AGBL1: variants seen among roughly 807,000 people sequenced by gnomAD.
AGBL1 encodes the protein AGBL carboxypeptidase 1, also known as cytosolic carboxypeptidase 4.
Under a neutral mutation model 118.9 loss-of-function variants are expected in AGBL1, and 130 were observed. The observed-to-expected ratio is 1.09, with a 90% CI of 0.95 to 1.26. The LOEUF is 1.26. Among genes scored for constraint, AGBL1 ranks in the 50% most tolerant of loss-of-function variants. The pLI, the probability that AGBL1 is intolerant of heterozygous loss-of-function variation, is 0.00. For synonymous variants in AGBL1, 555 were observed against 478.9 expected (o/e 1.16, Z -2.08); for missense variants, 1,584 against 1,298.1 (o/e 1.22, Z -3.38).
intron 21 of AGBL1, among the ~76,000 whole-genome samples, chr15:86,559,146 TA>T (rs1464617699): frequency 6.6e-6 from 1 of 152,200 alleles, no homozygotes; most frequent in Non-Finnish European, 1.5e-5. Flanking sequence ...CTCTTCTTCT[TA>T]TAAGGACACC....
chr15:86,726,361 G>C (rs529582679), intron 22 of AGBL1, among the ~76,000 whole-genome samples: 104 of 152,242 alleles, frequency 6.8e-4, no homozygotes, highest in Non-Finnish European at 1.2e-3. Flanking sequence ...GAGGAGAGTG[G>C]ACCTCAGAGT....
chr15:86,350,658 C>T (rs923467199), intron 17 of AGBL1, among the ~76,000 whole-genome samples: 1 of 152,112 alleles, frequency 6.6e-6, no homozygotes, highest in Non-Finnish European at 1.5e-5. Flanking sequence ...GGGCCATGGT[C>T]TCAGGAGTCC....
intron 17 of AGBL1, among the ~76,000 whole-genome samples, chr15:86,319,455 T>C (rs1222095619): frequency 1.3e-5 from 2 of 152,170 alleles, no homozygotes; most frequent in Non-Finnish European, 2.9e-5. Flanking sequence ...ATTTCCTCTT[T>C]TGTGATGTTT....
chr15:86,793,959 G>T (rs2078534788), intron 22 of AGBL1, among the ~76,000 whole-genome samples: 1 of 152,152 alleles, frequency 6.6e-6, no homozygotes, highest in Admixed American at 6.5e-5. Flanking sequence ...AACCAGCGTT[G>T]GTGAGGCTAC....
intron 21 of AGBL1, among the ~76,000 whole-genome samples, chr15:86,627,228 G>A (rs1202545235): frequency 6.6e-6 from 1 of 152,118 alleles, no homozygotes. Context: ...TCGAACTCCC[G>A]ACCTCAGGTG....
chr15:86,983,184 C>T (rs1031639699), intron 23 of AGBL1, among the ~76,000 whole-genome samples: 4 of 151,884 alleles, frequency 2.6e-5, no homozygotes, highest in Admixed American at 2.6e-4. Flanking sequence ...TTCACATTTC[C>T]TCTTGTTCAA....
At chr15:86,156,122 T>C (rs977734989) in intron 4 of AGBL1, among the ~76,000 whole-genome samples, 1 of 152,130 alleles carries the variant, frequency 6.6e-6, no homozygotes, top group Non-Finnish European at 1.5e-5. Context: ...GGTTTCACCA[T>C]GTTGGTCAGA....
chr15:86,416,390 C>T (rs1567246089), intron 18 of AGBL1, among the ~76,000 whole-genome samples: 1 of 152,174 alleles, frequency 6.6e-6, no homozygotes, highest in African/African-American at 2.4e-5. Context: ...AATGTCAGGG[C>T]AAAAAATTTG....
intron 22 of AGBL1, among the ~76,000 whole-genome samples, chr15:86,699,578 A>G (rs200150109): frequency 1.3e-5 from 2 of 151,778 alleles, no homozygotes; most frequent in Non-Finnish European, 2.9e-5. Flanking sequence ...AAAAGATTTT[A>G]GTCAGTTATT....
chr15:86,153,624 G>A (rs185110364), intron 3 of AGBL1, among the ~76,000 whole-genome samples: 28 of 152,260 alleles, frequency 1.8e-4, no homozygotes, highest in Non-Finnish European at 2.5e-4. Flanking sequence ...AAACCTGCAC[G>A]TTGTGCACAT....
chr15:86,973,961 CAT>C (rs2081139244), intron 23 of AGBL1, among the ~76,000 whole-genome samples: 1 of 137,930 alleles, frequency 7.3e-6, no homozygotes, highest in East Asian at 2.1e-4. Flanking sequence ...TAAATATAAA[CAT>C]ATTTAATATA....
intron 5 of AGBL1, among the ~76,000 whole-genome samples, chr15:86,224,457 C>T (rs1402947458): frequency 1.3e-5 from 2 of 152,108 alleles, no homozygotes; most frequent in African/African-American, 4.8e-5. Flanking sequence ...ACTGCATCCC[C>T]AGGGGTATGA....
In AGBL1 at chr15:86,748,843, G is replaced by T. The variant is rs185121018; in HGVS notation, c.3158+74407G>T. The stretch of plus-strand genomic sequence containing the variant: ...GTAGATGTGTGGTATTATTCCTGAG[G>T]GCTCTGTTCTGTTCCATTGGTCTAT... On this transcript the variant is annotated intron_variant, in intron 22 of 22. Transcript: ENST00000614907. Among the ~76,000 whole-genome samples, 39 of 151,948 alleles carry T rather than the reference G, an allele frequency of 2.6e-4. No individual in the cohort carries two copies. In the East Asian group the frequency reaches 5.5e-3, roughly 21 times the overall value.
intron 22 of AGBL1, among the ~76,000 whole-genome samples, chr15:86,860,102 G>A (rs976868798): frequency 2.6e-5 from 4 of 152,068 alleles, no homozygotes; most frequent in Non-Finnish European, 5.9e-5. Flanking sequence ...AAAGCCCTAC[G>A]AACCTAACTT....
At chr15:86,575,730 C>G (rs1596281959) in intron 21 of AGBL1, among the ~76,000 whole-genome samples, 1 of 151,878 alleles carries the variant, frequency 6.6e-6, no homozygotes. Flanking sequence ...ACTGGGCCTA[C>G]AGGTACACAC....
At chr15:86,228,424 T>C (rs186185203) in intron 6 of AGBL1, among the ~76,000 whole-genome samples, 4 of 152,330 alleles carry the variant, frequency 2.6e-5, no homozygotes, top group Admixed American at 1.3e-4. Flanking sequence ...AATCGTTCTC[T>C]GTAATTGCAT....
At chr15:86,609,281 A>G (rs566116804) in intron 21 of AGBL1, among the ~76,000 whole-genome samples, 81 of 152,264 alleles carry the variant, frequency 5.3e-4, no homozygotes, top group Non-Finnish European at 9.4e-4. Flanking sequence ...ACACAAGAAA[A>G]TCAGAAAGGA....
intron 23 of AGBL1, among the ~76,000 whole-genome samples, chr15:86,981,040 C>G (rs943690404): frequency 2.0e-5 from 3 of 151,988 alleles, no homozygotes; most frequent in Non-Finnish European, 4.4e-5. Flanking sequence ...GCGCACGCTG[C>G]CACCCCTGGC....
rs182468035 is a variant in AGBL1 at position 86,762,662 on chromosome 15, A to G, written c.3158+88226A>G. 1.8e-3 allele frequency among the ~76,000 whole-genome samples: 275 copies of G among 152,102 alleles called. 1 individual carries two copies. The highest frequency in any genetic ancestry group is 6.3e-3 in the African/African-American group (262 of 41,522). ...GGCATAGGAAATGGGGGTCAGAAGGACTGTATCCTAGCCCTGGTGCTAGTG... is the reference window on the plus strand; with the variant it reads ...GGCATAGGAAATGGGGGTCAGAAGGGCTGTATCCTAGCCCTGGTGCTAGTG... On this transcript the variant is annotated intron_variant, in intron 22 of 22. Transcript: ENST00000614907.
Sources: gnomAD v4.1 joint callset for allele counts (sites outside exome capture counted in the v4.1 genomes callset) on GRCh38, gnomAD v4.1.1 for gene constraint, MANE v1.5 for transcripts, NCBI Gene and HGNC (gene_info 2026-07-23, HGNC 2026-07-21) for gene names.